Variants in NEBL observed in about 807,000 individuals in gnomAD.
The protein encoded by NEBL is nebulette, also known as LIM and SH3 protein 2.
Under a neutral mutation model 140.2 loss-of-function variants are expected in NEBL, and 122 were observed. The observed-to-expected ratio is 0.87, with a 90% CI of 0.75 to 1.01. The LOEUF is 1.01. Ranked by LOEUF, NEBL falls within the 50% of genes least tolerant of loss-of-function variation. NEBL has a pLI of 0.00. For synonymous variants in NEBL, 436 were observed against 398.9 expected, an observed-to-expected ratio of 1.09 and a Z score of -1.11; for missense variants, 1,365 against 1,231.3, an observed-to-expected ratio of 1.11 and a Z score of -1.62.
chr10:20,800,059 T>C (rs890059368), intron 26 of NEBL, among the ~76,000 whole-genome samples: 1 of 152,158 alleles, frequency 6.6e-6, no homozygotes, highest in Non-Finnish European at 1.5e-5. Context: ...CCACATGCTA[T>C]ATGTTACATC....
At chr10:20,798,709 T>A (rs965654596) in intron 26 of NEBL, among the ~76,000 whole-genome samples, 2 of 152,190 alleles carry the variant, frequency 1.3e-5, no homozygotes, top group Non-Finnish European at 2.9e-5. Context: ...AACTTCTCTT[T>A]CTCCAAATCA....
At chr10:21,002,109 G>A (rs1157435151) in intron 3 of NEBL, among the ~76,000 whole-genome samples, 2 of 152,070 alleles carry the variant, frequency 1.3e-5, no homozygotes, top group African/African-American at 4.8e-5. Context: ...CTCCAAAAAG[G>A]AGTAGGTGCT....
intron 2 of NEBL, among the ~76,000 whole-genome samples, chr10:21,023,693 T>A (rs527583883): frequency 1.3e-5 from 2 of 149,176 alleles, no homozygotes; most frequent in South Asian, 4.2e-4. Flanking sequence ...AGACTCCATC[T>A]CAAAAATAAA....
At chr10:20,913,597 C>G (rs1299916557) in intron 4 of NEBL, among the ~76,000 whole-genome samples, 1 of 151,920 alleles carries the variant, frequency 6.6e-6, no homozygotes, top group Non-Finnish European at 1.5e-5. Context: ...GTACAAAAAC[C>G]AAGTGTACGA....
In NEBL at chr10:21,203,491, G is replaced by T. The variant is rs577869361; in HGVS notation, n.349-31014C>A. On this transcript the variant is annotated intron_variant and non_coding_transcript_variant, in intron 3 of 8. Coordinates refer to the NEBL transcript ENST00000675702. Reference sequence around the variant, plus strand: ...TCACTTCATTTCTGTTTCAGTCTAAGAGTGGCCAGCAGATAATTTTCTATT... The same window carrying T: ...TCACTTCATTTCTGTTTCAGTCTAATAGTGGCCAGCAGATAATTTTCTATT... 2.2e-4 allele frequency among the ~76,000 whole-genome samples: 34 copies of T among 152,322 alleles called. 1 individual carries two copies. Among genetic ancestry groups the T allele is most frequent in the Admixed American group, 2.1e-3 (32 of 15,292 alleles).
chr10:20,934,564 G>C (rs929419904), intron 4 of NEBL, among the ~76,000 whole-genome samples: 2 of 152,048 alleles, frequency 1.3e-5, no homozygotes, highest in Non-Finnish European at 2.9e-5. Flanking sequence ...CGATGGGCCC[G>C]CTCTTTGCCT....
At chr10:20,888,592 C>G (rs1484152388) in intron 3 of NEBL, among the ~76,000 whole-genome samples, 1 of 152,164 alleles carries the variant, frequency 6.6e-6, no homozygotes, top group Non-Finnish European at 1.5e-5. Context: ...GGACAGTGTT[C>G]TTTTATTCAG....
At chr10:21,031,992 A>T (rs1285481610) in intron 2 of NEBL, among the ~76,000 whole-genome samples, 1 of 152,244 alleles carries the variant, frequency 6.6e-6, no homozygotes, top group East Asian at 1.9e-4. Context: ...AAAAACTCAA[A>T]ACTCAAAACT....
intron 3 of NEBL, among the ~76,000 whole-genome samples, chr10:21,186,199 T>C (rs1421484959): frequency 6.6e-6 from 1 of 151,844 alleles, no homozygotes; most frequent in Non-Finnish European, 1.5e-5. Flanking sequence ...ATGTATTAAA[T>C]GTGAAATCAG....
intron 11 of NEBL, among the ~76,000 whole-genome samples, chr10:20,847,447 T>C: frequency 6.6e-6 from 1 of 152,346 alleles, no homozygotes. Flanking sequence ...CTGTTATTTC[T>C]ACTACAGAAA....
intron 4 of NEBL, among the ~76,000 whole-genome samples, chr10:20,881,314 T>C (rs911215714): frequency 6.6e-6 from 1 of 152,238 alleles, no homozygotes; most frequent in African/African-American, 2.4e-5. Context: ...TCTGATTTTA[T>C]GTAGGCACAG....
chr10:21,014,028 C>T (rs1216432082), intron 3 of NEBL, among the ~76,000 whole-genome samples: 2 of 152,122 alleles, frequency 1.3e-5, no homozygotes, highest in African/African-American at 4.8e-5. Flanking sequence ...GGTCTGCAGG[C>T]CTCCAACTCC....
At chr10:21,202,663 T>C (rs1169213310) in intron 3 of NEBL, among the ~76,000 whole-genome samples, 1 of 151,854 alleles carries the variant, frequency 6.6e-6, no homozygotes, top group African/African-American at 2.4e-5. Flanking sequence ...GGGGTTTCAC[T>C]GTGTTAGCCA....
At chr10:21,260,236 T>G (rs1466626645) in intron 1 of NEBL, among the ~76,000 whole-genome samples, 1 of 152,186 alleles carries the variant, frequency 6.6e-6, no homozygotes, top group Non-Finnish European at 1.5e-5. Flanking sequence ...CTCTAGCCCT[T>G]TGAAAACAGC....
intron 3 of NEBL, among the ~76,000 whole-genome samples, chr10:21,207,764 C>G (rs1347068477): frequency 6.6e-6 from 1 of 152,106 alleles, no homozygotes; most frequent in Non-Finnish European, 1.5e-5. Context: ...AGCCCTCTAC[C>G]CACAGACTAG....
intron 9 of NEBL, among the ~76,000 whole-genome samples, chr10:20,855,000 G>A (rs773569034): frequency 2.0e-5 from 3 of 151,946 alleles, no homozygotes; most frequent in Non-Finnish European, 4.4e-5. Context: ...AGAGACAGGC[G>A]GATCATGAGG....
intron 4 of NEBL, among the ~76,000 whole-genome samples, chr10:20,903,652 G>A (rs969922369): frequency 1.3e-5 from 2 of 152,128 alleles, no homozygotes; most frequent in Non-Finnish European, 2.9e-5. Context: ...TAAAGAAAAT[G>A]TGGTATGCAT....
intron 17 of NEBL, among the ~76,000 whole-genome samples, chr10:20,827,990 C>A (rs703087): frequency 6.6e-6 from 1 of 152,094 alleles, no homozygotes; most frequent in Admixed American, 6.6e-5. Context: ...TTAACACCTG[C>A]GTGACAAAAT....
chr10:20,789,641 A>C (rs1232518631), intron 26 of NEBL, among the ~76,000 whole-genome samples: 1 of 152,154 alleles, frequency 6.6e-6, no homozygotes, highest in Admixed American at 6.5e-5. Flanking sequence ...TGAGCCCAGA[A>C]GTTTTGAGAC....
Sources: allele counts gnomAD v4.1 joint callset (sites outside exome capture counted in the v4.1 genomes callset), GRCh38; gene constraint gnomAD v4.1.1; transcripts MANE v1.5; gene names NCBI Gene and HGNC (gene_info 2026-07-23, HGNC 2026-07-21).